The following PTGIS variants were observed in gnomAD, a reference collection of about 807,000 sequenced individuals.
PTGIS encodes the protein prostacyclin synthase.
A neutral mutation model predicts 50.3 loss-of-function variants in PTGIS; 45 were observed. The observed-to-expected ratio is 0.90, with a 90% CI of 0.70 to 1.15. The LOEUF (loss-of-function observed/expected upper bound fraction) is 1.15. Among genes scored for constraint, PTGIS ranks in the 50% most tolerant of loss-of-function variants. The pLI, the probability that PTGIS is intolerant of heterozygous loss-of-function variation, is 0.00. For synonymous variants in PTGIS, 260 were observed against 267.7 expected (o/e 0.97, Z 0.28); for missense variants, 668 against 661.3 (o/e 1.01, Z -0.11).
chr20:49,526,182 G>A (rs757129998), intron 5 of PTGIS, among the ~76,000 whole-genome samples: 13 of 152,190 alleles, frequency 8.5e-5, no homozygotes, highest in South Asian at 2.1e-4. Context: ...AATCACGTGC[G>A]TGGGAACTGG....
chr20:49,511,082 C>T lies in PTGIS; in HGVS notation c.1304G>A (p.Gly435Glu), dbSNP rs753792556. The T allele has an allele frequency of 6.2e-7, 1 of 1,614,098 alleles. No homozygotes were observed. The highest frequency in any genetic ancestry group is 2.2e-5 in the East Asian group (1 of 44,884). The change falls in exon 9 of 10, where the codon GGG (glycine) becomes GAG (glutamate). Residue 435 changes from glycine (G) to glutamate (E), a missense_variant. Physicochemically the swap from Gly to Glu is moderately conservative, Grantham distance 98 (BLOSUM62 -2). Coordinates refer to ENST00000244043, the MANE Select transcript of PTGIS (RefSeq NM_000961.4). The stretch of plus-strand genomic sequence containing the variant: ...CCCCAGGCAGTGATTGTGCCCCGCC[C>T]CCCAGGGCATGTTGTAATTCTTCAG... ...KRLKNYNMPWGAGHNHCLGRS... is the reference protein window; with the variant it reads ...KRLKNYNMPWEAGHNHCLGRS...
At chr20:49,550,367 C>T (rs1162259872) in intron 1 of PTGIS, among the ~76,000 whole-genome samples, 178 bp from the exon 2 acceptor site, 62 of 152,194 alleles carry the variant, frequency 4.1e-4, no homozygotes, top group Admixed American at 4.1e-3. Context: ...CACACCCTCC[C>T]TCTTTCCCCT....
intron 4 of PTGIS, among the ~76,000 whole-genome samples, chr20:49,543,294 T>C (rs1982277498): frequency 6.6e-6 from 1 of 152,072 alleles, no homozygotes; most frequent in Non-Finnish European, 1.5e-5. Flanking sequence ...TTCTCTCACC[T>C]TGGTGACACC....
Position 49,548,661 on chromosome 20 carries a change from T to C in PTGIS, c.199-642A>G, listed in dbSNP as rs149816242. Among the ~76,000 whole-genome samples the C allele has an allele frequency of 6.2e-3, 933 of 151,228 alleles. 10 individuals carry two copies. The highest frequency in any genetic ancestry group is 0.021 in the Middle Eastern group (6 of 292). The stretch of plus-strand genomic sequence containing the variant: ...TGTTGGGTAAATTCCAGTGGGTGGA[T>C]TGTAGAAGAGTAAATGGGCAGATGG... On this transcript the variant is annotated intron_variant, in intron 2 of 9. Transcript: ENST00000244043.
chr20:49,523,938 C>T, intron 6 of PTGIS, 120 bp downstream of exon 6: 1 of 1,245,988 alleles, frequency 8.0e-7, no homozygotes, highest in Non-Finnish European at 1.1e-6. Context: ...CATACACATG[C>T]ACACACAGGC....
At chr20:49,529,646 G>T (rs1217802807) in intron 5 of PTGIS, among the ~76,000 whole-genome samples, 1 of 152,092 alleles carries the variant, frequency 6.6e-6, no homozygotes. Flanking sequence ...TCTTGCCTGG[G>T]GGGTGAATCA....
At chr20:49,556,875 T>C (rs1220502128) in intron 1 of PTGIS, among the ~76,000 whole-genome samples, 1 of 152,200 alleles carries the variant, frequency 6.6e-6, no homozygotes, top group African/African-American at 2.4e-5. Flanking sequence ...CCTTCTTTTT[T>C]TTTTCCTCCC....
intron 2 of PTGIS, among the ~76,000 whole-genome samples, chr20:49,548,801 G>A (rs1982433932): frequency 1.3e-5 from 2 of 152,178 alleles, no homozygotes; most frequent in African/African-American, 4.8e-5. Context: ...TTAGATAGAT[G>A]GATAAATGGA....
At chr20:49,510,963 G>C in intron 9 of PTGIS, 65 bp downstream of exon 9, 1 of 1,515,078 alleles carries the variant, frequency 6.6e-7, no homozygotes, top group East Asian at 2.3e-5. Flanking sequence ...AGTCCCAGGA[G>C]AGAAGGGCGC....
At chr20:49,510,775 C>G (rs1320489575) in intron 9 of PTGIS, among the ~76,000 whole-genome samples, 2 of 152,204 alleles carry the variant, frequency 1.3e-5, no homozygotes, top group African/African-American at 4.8e-5. Flanking sequence ...GGACACCAGT[C>G]TTGGAGGGAA....
At chr20:49,539,934 G>A (rs1568679742) in intron 4 of PTGIS, among the ~76,000 whole-genome samples, 1 of 152,234 alleles carries the variant, frequency 6.6e-6, no homozygotes, top group Non-Finnish European at 1.5e-5. Context: ...ACAGACAACA[G>A]ACGAGAGGAT....
rs1469409657 is a variant in PTGIS at position 49,504,322 on chromosome 20, G to T, written c.*3598C>A. 6.6e-6 allele frequency: 1 copy of T among 152,310 alleles called. No homozygotes were observed. Among genetic ancestry groups the T allele is most frequent in the East Asian group, 1.9e-4 (1 of 5,194 alleles). The allele number at this position is 152,310 out of a possible 1,614,324, so 9.4% of individuals were successfully genotyped here. The stretch of plus-strand genomic sequence containing the variant: ...TTCCCCAGCGAATTTATTTTTCATG[G>T]TCACTTTCTATTTTTGGCAGTGAGT... On this transcript the variant is annotated 3_prime_UTR_variant, in exon 10 of 10. Coordinates refer to ENST00000244043, the MANE Select transcript of PTGIS (RefSeq NM_000961.4).
At chr20:49,516,731 C>T (rs780683279) in intron 6 of PTGIS, among the ~76,000 whole-genome samples, 13 of 152,174 alleles carry the variant, frequency 8.5e-5, no homozygotes, top group East Asian at 3.8e-4. Context: ...ACTTCCATCA[C>T]GCAGGTGCCA....
chr20:49,526,018 G>A lies in PTGIS; in HGVS notation c.674-1779C>T, dbSNP rs115422254. 3.8e-3 allele frequency among the ~76,000 whole-genome samples: 579 copies of A among 152,112 alleles called. 4 individuals carry two copies. Among genetic ancestry groups the A allele is most frequent in the Middle Eastern group, 0.017 (5 of 294 alleles). On this transcript the variant is annotated intron_variant, in intron 5 of 9. Coordinates refer to ENST00000244043, the MANE Select transcript of PTGIS (RefSeq NM_000961.4). ...ACATTGAAATGAATGTCACCATTTC[G>A]GGTGACATTTCAATGTAAAGCAATA...
In PTGIS at chr20:49,514,450, C is replaced by T. The variant is rs777516957; in HGVS notation, c.856-55G>A. The T allele has an allele frequency of 6.3e-6, 10 of 1,590,266 alleles. No individual in the cohort carries two copies. The South Asian group carries it at 1.1e-4, about 18-fold the overall frequency. ...TTATGAGGGCAGAGCTGACTCGTCT[C>T]TGCCAGGGACACAGCTCGGGCCAAG... is the stretch of plus-strand genomic sequence containing the variant. On this transcript the variant is annotated intron_variant, in intron 6 of 9. Transcript: ENST00000244043.
In PTGIS at chr20:49,547,921, A is replaced by AT; in HGVS notation, c.296dup (p.Tyr99Ter). 6.2e-7 allele frequency: 1 copy of AT among 1,614,180 alleles called. No homozygotes were observed. The highest frequency in any genetic ancestry group is 2.2e-5 in the East Asian group (1 of 44,878). ...AAATCCTCTCCATGAGGAAGATGGC[A>AT]TAGGCATGGAAGTCGAGCCTGGTGC... ...EPRTRLDFHAYAIFLMERIFD... is the reference protein window; with the variant it reads ...EPRTRLDFHA Residue 99 changes from tyrosine (Y) to a stop codon, truncating the protein, a stop_gained and frameshift_variant, in exon 3 of 10, where the codon TAT (tyrosine) becomes TAAT (stop). Coordinates refer to ENST00000244043, the MANE Select transcript of PTGIS (RefSeq NM_000961.4). LOFTEE classifies it high-confidence loss of function.
intron 9 of PTGIS, among the ~76,000 whole-genome samples, chr20:49,508,727 A>C (rs1381215993): frequency 6.6e-6 from 1 of 152,152 alleles, no homozygotes; most frequent in Non-Finnish European, 1.5e-5. Flanking sequence ...AAATTGTCCT[A>C]AATAGACCAA....
chr20:49,516,090 A>G (rs1981467402), intron 6 of PTGIS, among the ~76,000 whole-genome samples: 1 of 145,242 alleles, frequency 6.9e-6, no homozygotes, highest in African/African-American at 2.6e-5. Flanking sequence ...TATGTTTCCC[A>G]GGCTGATCTC....
intron 1 of PTGIS, among the ~76,000 whole-genome samples, chr20:49,557,394 C>A (rs1162959439): frequency 6.6e-6 from 1 of 151,798 alleles, no homozygotes; most frequent in African/African-American, 2.4e-5. Flanking sequence ...AGTTCAAGAC[C>A]AGCCTGGGAA....
Sources: allele counts gnomAD v4.1 joint callset (sites outside exome capture counted in the v4.1 genomes callset), GRCh38; gene constraint gnomAD v4.1.1; transcripts MANE v1.5; gene names NCBI Gene and HGNC (gene_info 2026-07-23, HGNC 2026-07-21).